The following DICER1 variants were observed in gnomAD, a reference collection of about 807,000 sequenced individuals.
DICER1 encodes endoribonuclease Dicer.
A neutral mutation model predicts 194.1 loss-of-function variants in DICER1; 43 were observed. That is an observed-to-expected ratio of 0.22 (90% CI 0.17 to 0.29). The LOEUF is 0.29. Ranked by LOEUF, DICER1 falls within the 10% of genes least tolerant of loss-of-function variation. The pLI, the probability that DICER1 is intolerant of heterozygous loss-of-function variation, is 1.00. For synonymous variants in DICER1, 832 were observed against 820.5 expected, an observed-to-expected ratio of 1.01 and a Z score of -0.24; for missense variants, 1,608 against 2,317.0, an observed-to-expected ratio of 0.69 and a Z score of 6.28.
intron 22 of DICER1, among the ~76,000 whole-genome samples, chr14:95,097,934 C>T (rs143653496): frequency 6.6e-4 from 101 of 152,274 alleles, no homozygotes; most frequent in African/African-American, 2.4e-3. Flanking sequence ...TGCTAACAAT[C>T]TTAGACTTTC....
intron 17 of DICER1, among the ~76,000 whole-genome samples, chr14:95,107,382 C>G (rs2140014224): frequency 6.6e-6 from 1 of 152,040 alleles, no homozygotes; most frequent in East Asian, 1.9e-4. Flanking sequence ...TCCCGAGTAA[C>G]TGGGACTACA....
chr14:95,124,408 T>C lies in DICER1; in HGVS notation c.1164A>G (p.Lys388=). The change falls in exon 8 of 27, where the codon AAA becomes AAG. Residue 388 remains lysine (K), a synonymous_variant. Coordinates refer to ENST00000343455, the MANE Select transcript of DICER1 (RefSeq NM_177438.3). This position sits in a 1 kb window ranked among gnomAD's most constrained non-coding sequence, Gnocchi z 4.5. ...IKLLEILRKY[K]PYERQQFESV... ...TTTCAAACTGCTGTCGCTCATATGG[T>C]TTATATTTGCGTAAGATTTCGAGCA... The C allele has an allele frequency of 2.5e-6, 4 of 1,614,118 alleles. No homozygotes were observed. The highest frequency in any genetic ancestry group is 3.4e-6 in the Non-Finnish European group (4 of 1,179,970).
chr14:95,094,196 G>A (rs1321492916), intron 23 of DICER1, 40 bp from the exon 24 acceptor site: 3 of 1,611,968 alleles, frequency 1.9e-6, no homozygotes, highest in Non-Finnish European at 2.5e-6. Context: ...TTGTGCAGAA[G>A]CATTTACACT....
At position 95,086,843 on chromosome 14, in the gene DICER1, G is replaced by A. The variant is rs1889373705; in HGVS notation, c.*3655C>T. 8.6e-6 allele frequency: 2 copies of A among 232,318 alleles called. No individual in the cohort carries two copies. Among genetic ancestry groups the A allele is most frequent in the Non-Finnish European group, 1.7e-5 (2 of 117,594 alleles). 14.4% of individuals were successfully genotyped at this position (232,318 alleles called of 1,614,324 possible). On this transcript the variant is annotated 3_prime_UTR_variant, in exon 27 of 27. Coordinates refer to ENST00000343455, the MANE Select transcript of DICER1 (RefSeq NM_177438.3). The stretch of plus-strand genomic sequence containing the variant: ...TTAAATTCCTGAAAAGTAATCAGTG[G>A]TTGGAAAAATATAATTATTCAAATG...
rs1222307704 is a variant in DICER1, at chr14:95,087,513, C to G, written c.*2985G>C. 3 of 232,872 alleles carry G rather than the reference C, an allele frequency of 1.3e-5. No homozygotes were observed. The highest frequency in any genetic ancestry group is 6.6e-5 in the African/African-American group (3 of 45,292). 14.4% of individuals were successfully genotyped at this position (232,872 alleles called of 1,614,324 possible). ...ATTATCTTTTTCAAATTCCATAAATCAAAACAGCAGCAAGGCCAAACCACA... is the reference window on the plus strand; with the variant it reads ...ATTATCTTTTTCAAATTCCATAAATGAAAACAGCAGCAAGGCCAAACCACA... On this transcript the variant is annotated 3_prime_UTR_variant, in exon 27 of 27. Transcript: ENST00000343455.
At chr14:95,108,943 T>A (rs564004602) in intron 14 of DICER1, among the ~76,000 whole-genome samples, 1 of 152,356 alleles carries the variant, frequency 6.6e-6, no homozygotes, top group East Asian at 1.9e-4. Flanking sequence ...AAGACAGCCT[T>A]TATTAACATT....
At chr14:95,109,582 A>C (rs149012231) in intron 14 of DICER1, among the ~76,000 whole-genome samples, 1 of 152,338 alleles carries the variant, frequency 6.6e-6, no homozygotes, top group African/African-American at 2.4e-5. Context: ...TATCACATGA[A>C]ACTAGTCTCA....
intron 8 of DICER1, among the ~76,000 whole-genome samples, chr14:95,122,914 G>T (rs975839714): frequency 6.6e-6 from 1 of 151,748 alleles, no homozygotes; most frequent in Non-Finnish European, 1.5e-5. Context: ...AAGCAGTTAA[G>T]CGCGTGTGCG....
chr14:95,110,935 C>A (rs1566781614), intron 14 of DICER1, among the ~76,000 whole-genome samples: 1 of 152,112 alleles, frequency 6.6e-6, no homozygotes, highest in Non-Finnish European at 1.5e-5. Flanking sequence ...TTTTCACTTG[C>A]TTATTTTATC....
Position 95,117,665 on chromosome 14 carries a change from G to A in DICER1, c.1466C>T (p.Pro489Leu), listed in dbSNP as rs200866760. ...ITGHGIGKNQ[P>L]RNKQMEAEFR... The stretch of plus-strand genomic sequence containing the variant: ...TTCTGCTTCCATCTGTTTGTTGCGA[G>A]GCTGATTCTTCCCAATGCCATGTCC... Residue 489 changes from proline (P) to leucine (L), a missense_variant, in exon 9 of 27, where the codon CCT becomes CTT. Pro to Leu is a moderately conservative substitution (Grantham distance 98). Coordinates refer to ENST00000343455, the MANE Select transcript of DICER1 (RefSeq NM_177438.3). 8 of 1,613,998 alleles carry A rather than the reference G, an allele frequency of 5.0e-6. No homozygotes were observed. The African/African-American group carries it at 1.1e-4, about 22-fold the overall frequency.
At position 95,096,036 on chromosome 14, in the gene DICER1, A is replaced by G. The variant is rs567951773; in HGVS notation, c.4884T>C (p.Ser1628=). Residue 1628 remains serine (S), a synonymous_variant, in exon 23 of 27, where the codon AGT becomes AGC. Coordinates refer to ENST00000343455, the MANE Select transcript of DICER1 (RefSeq NM_177438.3). Reference sequence around the variant, plus strand: ...AGTCTTTCAATACAGAAGAGCGTGAACTGGCCACAGAAGCAGCAGCACAGC... The same window carrying G: ...AGTCTTTCAATACAGAAGAGCGTGAGCTGGCCACAGAAGCAGCAGCACAGC... ...SVSCAAASVA[S]SRSSVLKDSE... is the part of the protein sequence containing the mutation. 6.2e-7 allele frequency: 1 copy of G among 1,614,212 alleles called. No homozygotes were observed. The highest frequency in any genetic ancestry group is 1.7e-5 in the Admixed American group (1 of 60,036).
At chr14:95,094,783 T>C (rs373745907) in intron 23 of DICER1, among the ~76,000 whole-genome samples, 36 of 152,318 alleles carry the variant, frequency 2.4e-4, no homozygotes, top group African/African-American at 6.7e-4. Context: ...AAACTGGTTG[T>C]CAAAATGTGA....
At chr14:95,141,791 T>G (rs1894841746) in intron 1 of DICER1, 1 of 152,214 alleles carries the variant, frequency 6.6e-6, no homozygotes, top group Admixed American at 6.5e-5. Context: ...ACAACTCATT[T>G]TTTAAAACGA....
intron 3 of DICER1, 44 bp downstream of exon 3, chr14:95,132,471 A>G: frequency 6.3e-7 from 1 of 1,597,340 alleles, no homozygotes; most frequent in Non-Finnish European, 8.6e-7. Context: ...ATAAAATCCC[A>G]TCCAATTTCC....
At chr14:95,125,531 AGAGAGG>A in intron 7 of DICER1, among the ~76,000 whole-genome samples, 1 of 99,214 alleles carries the variant, frequency 1.0e-5, no homozygotes, top group Non-Finnish European at 1.9e-5. Context: ...GCAGAGAGGG[AGAGAGG>A]GAGAGGGAGA....
At chr14:95,135,495 A>G (rs1486885450) in intron 1 of DICER1, among the ~76,000 whole-genome samples, 2 of 152,374 alleles carry the variant, frequency 1.3e-5, no homozygotes, top group East Asian at 3.9e-4. Context: ...TAGTAATAAC[A>G]ATAAATAACT....
chr14:95,093,748 C>T, intron 24 of DICER1, 140 bp downstream of exon 24: 1 of 920,334 alleles, frequency 1.1e-6, no homozygotes, highest in Non-Finnish European at 1.8e-6. Context: ...TTCACTCGTG[C>T]TCCCACAGAA....
chr14:95,129,368 G>T, intron 6 of DICER1, 104 bp downstream of exon 6: 1 of 1,072,210 alleles, frequency 9.3e-7, no homozygotes, highest in Non-Finnish European at 1.4e-6. Context: ...ACTGCCATTT[G>T]TTCACTTAAA....
At position 95,126,763 on chromosome 14, in the gene DICER1, A is replaced by G. The variant is rs1325499185; in HGVS notation, c.735-15T>C. On this transcript the variant is annotated splice_polypyrimidine_tract_variant and intron_variant, in intron 6 of 26. Transcript: ENST00000343455. The stretch of plus-strand genomic sequence containing the variant: ...GAGAAGTATACCTTTAACATAAGAA[A>G]CAAAAGGTATCAATACTGCAGTAGT... The G allele has an allele frequency of 1.3e-6, 2 of 1,588,858 alleles. No individual in the cohort carries two copies. The highest frequency in any genetic ancestry group is 8.6e-7 in the Non-Finnish European group (1 of 1,157,726).
Sources: gnomAD v4.1 joint callset for allele counts (sites outside exome capture counted in the v4.1 genomes callset) on GRCh38, gnomAD v4.1.1 for gene constraint, Gnocchi (gnomAD v3.1) non-coding constraint, MANE v1.5 for transcripts, NCBI Gene and HGNC (gene_info 2026-07-23, HGNC 2026-07-21) for gene names.